CMSS1: variants seen among roughly 807,000 people sequenced by gnomAD.
CMSS1 encodes cms1 ribosomal small subunit homolog, also known as protein CMSS1.
In CMSS1, 33 loss-of-function variants were observed where a neutral mutation model predicts 43.5. The ratio of observed to expected loss-of-function variants is 0.76; its 90% confidence interval spans 0.57 to 1.01. The LOEUF (loss-of-function observed/expected upper bound fraction) is 1.01, where lower values mean the gene tolerates loss of function less well. CMSS1 is among the 50% of genes least tolerant of loss of function. The pLI, the probability that CMSS1 is intolerant of heterozygous loss-of-function variation, is 0.00. For synonymous variants in CMSS1, 115 were observed against 117.2 expected (o/e 0.98, Z 0.12); for missense variants, 313 against 326.4 (o/e 0.96, Z 0.32).
At chr3:100,031,638 G>A (rs555043386) in intron 1 of CMSS1, among the ~76,000 whole-genome samples, 2 of 151,722 alleles carry the variant, frequency 1.3e-5, no homozygotes, top group African/African-American at 2.4e-5. Context: ...TTTAACTAAC[G>A]CATTCTCTCC....
At chr3:100,017,504 G>C (rs1710378404) in intron 1 of CMSS1, among the ~76,000 whole-genome samples, 1 of 152,206 alleles carries the variant, frequency 6.6e-6, no homozygotes, top group South Asian at 2.1e-4. Flanking sequence ...CCAAATGAGA[G>C]TAAGCACCAT....
intron 1 of CMSS1, among the ~76,000 whole-genome samples, chr3:100,058,833 G>A (rs998457178): frequency 3.9e-5 from 6 of 152,182 alleles, no homozygotes; most frequent in African/African-American, 1.4e-4. Flanking sequence ...CATATGTGAA[G>A]TTTAAAATAA....
intron 1 of CMSS1, among the ~76,000 whole-genome samples, chr3:99,892,163 T>C (rs964735356): frequency 2.0e-5 from 3 of 152,192 alleles, no homozygotes; most frequent in Non-Finnish European, 2.9e-5. Context: ...ACTGTTCTTA[T>C]GTGAATGATG....
At chr3:100,171,478 G>C (rs933682883) in intron 6 of CMSS1, among the ~76,000 whole-genome samples, 10 of 151,968 alleles carry the variant, frequency 6.6e-5, no homozygotes, top group African/African-American at 2.4e-4. Context: ...ACCAAATTTT[G>C]TATGAGAACT....
chr3:100,032,944 T>C (rs886232522), intron 1 of CMSS1, among the ~76,000 whole-genome samples: 1 of 152,140 alleles, frequency 6.6e-6, no homozygotes, highest in Non-Finnish European at 1.5e-5. Flanking sequence ...TTGAAAATGA[T>C]GCTGAAGTTC....
intron 1 of CMSS1, among the ~76,000 whole-genome samples, chr3:99,893,353 G>A (rs1019658384): frequency 1.3e-5 from 2 of 151,964 alleles, no homozygotes; most frequent in Non-Finnish European, 1.5e-5. Flanking sequence ...TTTTAGTGGA[G>A]ACGGGGTTTC....
chr3:100,040,051 C>T (rs2065178121), intron 1 of CMSS1: 1 of 152,226 alleles, frequency 6.6e-6, no homozygotes, highest in African/African-American at 2.4e-5. Context: ...CCGTGCCTGG[C>T]CTCATAGTTA....
chr3:99,959,593 CT>C (rs1439470314), intron 1 of CMSS1, among the ~76,000 whole-genome samples: 2 of 152,116 alleles, frequency 1.3e-5, no homozygotes, highest in Admixed American at 6.5e-5. Context: ...TGTATAATTT[CT>C]TTAGCAGTCT....
chr3:99,873,081 C>T (rs544965013), intron 1 of CMSS1, among the ~76,000 whole-genome samples: 66 of 152,260 alleles, frequency 4.3e-4, no homozygotes, highest in African/African-American at 1.5e-3. Context: ...GTCATTGCAG[C>T]ACACTTTAAG....
At chr3:100,068,989 C>G (rs2065715492) in intron 1 of CMSS1, among the ~76,000 whole-genome samples, 1 of 152,162 alleles carries the variant, frequency 6.6e-6, no homozygotes, top group Non-Finnish European at 1.5e-5. Flanking sequence ...AGGGAGCTGC[C>G]GTTCTGCTCC....
In CMSS1 at chr3:99,919,864, C is replaced by T. The variant is rs537728438; in HGVS notation, c.64+101821C>T. On this transcript the variant is annotated intron_variant, in intron 1 of 9. Transcript: ENST00000421999. The stretch of plus-strand genomic sequence containing the variant: ...CCAGGGTGTGGTCAAGGCAACAACA[C>T]TTGAAGCTGGACACCTGGTGACTTT... 1.8e-3 allele frequency among the ~76,000 whole-genome samples: 277 copies of T among 152,338 alleles called. 1 individual carries two copies. Among genetic ancestry groups the T allele is most frequent in the African/African-American group, 6.4e-3 (266 of 41,578 alleles).
At chr3:99,899,847 G>A (rs182974373) in intron 1 of CMSS1, among the ~76,000 whole-genome samples, 2 of 152,310 alleles carry the variant, frequency 1.3e-5, no homozygotes, top group Admixed American at 1.3e-4. Context: ...AATGGTGAGA[G>A]TACCTTCCTC....
At chr3:100,021,118 T>A (rs907017804) in intron 1 of CMSS1, among the ~76,000 whole-genome samples, 2 of 152,214 alleles carry the variant, frequency 1.3e-5, no homozygotes, top group Non-Finnish European at 2.9e-5. Flanking sequence ...GCCGGTCAAT[T>A]GCCTAAGACC....
At chr3:99,901,690 A>G (rs1706443154) in intron 1 of CMSS1, among the ~76,000 whole-genome samples, 1 of 152,176 alleles carries the variant, frequency 6.6e-6, no homozygotes. Context: ...GTGTAACTCT[A>G]CTCTCAGCCA....
At chr3:100,006,862 T>C (rs1399039117) in intron 1 of CMSS1, among the ~76,000 whole-genome samples, 1 of 152,246 alleles carries the variant, frequency 6.6e-6, no homozygotes, top group Non-Finnish European at 1.5e-5. Context: ...ATTTGATTAC[T>C]AAACCACTGC....
At chr3:100,047,129 A>G (rs1320411091) in intron 1 of CMSS1, among the ~76,000 whole-genome samples, 1 of 152,210 alleles carries the variant, frequency 6.6e-6, no homozygotes, top group Non-Finnish European at 1.5e-5. Context: ...CCTTGTTGGT[A>G]AAATGGGTAT....
chr3:100,157,520 G>A (rs1363856751), intron 2 of CMSS1, among the ~76,000 whole-genome samples: 1 of 152,204 alleles, frequency 6.6e-6, no homozygotes, highest in Non-Finnish European at 1.5e-5. Flanking sequence ...TAGGGTGATA[G>A]GATAACAAGC....
At chr3:100,105,901 A>T (rs1196671106) in intron 1 of CMSS1, among the ~76,000 whole-genome samples, 1 of 152,120 alleles carries the variant, frequency 6.6e-6, no homozygotes, top group Non-Finnish European at 1.5e-5. Context: ...TTTTTTAATC[A>T]ATGAGCTTTC....
intron 1 of CMSS1, among the ~76,000 whole-genome samples, chr3:99,927,050 C>T (rs1707315396): frequency 6.6e-6 from 1 of 152,116 alleles, no homozygotes; most frequent in African/African-American, 2.4e-5. Context: ...CATCTTCACT[C>T]CATATCTTCC....
Sources: gnomAD v4.1 joint callset for allele counts (sites outside exome capture counted in the v4.1 genomes callset) on GRCh38, gnomAD v4.1.1 for gene constraint, MANE v1.5 for transcripts, NCBI Gene and HGNC (gene_info 2026-07-23, HGNC 2026-07-21) for gene names.